The following SOX5 variants were observed in gnomAD, a reference collection of about 807,000 sequenced individuals.
The protein encoded by SOX5 is SRY-box transcription factor 5.
SOX5 carries 9 observed loss-of-function variants against 92.0 expected under a neutral mutation model. The observed-to-expected ratio is 0.10, with a 90% CI of 0.06 to 0.17. The LOEUF is 0.17. Among genes scored for constraint, SOX5 ranks in the 10% least tolerant of loss-of-function variants. The probability of loss-of-function intolerance (pLI) is 1.00; values close to 1 mark genes in which losing one functional copy is unlikely to be tolerated. For synonymous variants in SOX5, 344 were observed against 336.3 expected (o/e 1.02, Z -0.25); for missense variants, 642 against 944.5 (o/e 0.68, Z 4.20).
At chr12:24,179,292 T>C (rs904166384) in intron 4 of SOX5, among the ~76,000 whole-genome samples, 1 of 152,228 alleles carries the variant, frequency 6.6e-6, no homozygotes, top group African/African-American at 2.4e-5. Context: ...TACCTTGACA[T>C]TTCATTGCAC....
intron 7 of SOX5, among the ~76,000 whole-genome samples, chr12:23,661,930 A>G (rs1396195121): frequency 6.6e-6 from 1 of 152,202 alleles, no homozygotes; most frequent in African/African-American, 2.4e-5. Flanking sequence ...GATATTTTAA[A>G]TTATCTCTTA....
intron 1 of SOX5, among the ~76,000 whole-genome samples, chr12:23,923,131 G>C (rs1439862905): frequency 1.3e-5 from 2 of 152,012 alleles, no homozygotes; most frequent in African/African-American, 2.4e-5. Flanking sequence ...ATTTTTACTA[G>C]AGACGAGGTT....
intron 4 of SOX5, among the ~76,000 whole-genome samples, chr12:24,113,331 T>C (rs1347906555): frequency 6.7e-6 from 1 of 149,736 alleles, no homozygotes; most frequent in Admixed American, 6.6e-5. Context: ...AAGAGGTAAA[T>C]GTTATTTTGA....
chr12:24,278,802 A>G (rs904844492), intron 2 of SOX5, among the ~76,000 whole-genome samples: 2 of 152,116 alleles, frequency 1.3e-5, no homozygotes, highest in Non-Finnish European at 2.9e-5. Flanking sequence ...AAGGCTGTCT[A>G]TATATAGTCA....
chr12:23,816,363 CG>C (rs2078477053), intron 3 of SOX5, among the ~76,000 whole-genome samples: 1 of 151,888 alleles, frequency 6.6e-6, no homozygotes. Flanking sequence ...GTGCGCACCA[CG>C]ATGCCCGGCT....
chr12:23,770,630 GT>G, intron 3 of SOX5, among the ~76,000 whole-genome samples: 1 of 152,116 alleles, frequency 6.6e-6, no homozygotes, highest in South Asian at 2.1e-4. Flanking sequence ...TCCTAGGCAT[GT>G]TTAAACAACA....
intron 3 of SOX5, among the ~76,000 whole-genome samples, chr12:23,760,512 C>T (rs574131767): frequency 1.3e-5 from 2 of 152,102 alleles, no homozygotes; most frequent in African/African-American, 2.4e-5. Flanking sequence ...CCAACAGGAC[C>T]CTTCTGATAC....
intron 4 of SOX5, among the ~76,000 whole-genome samples, chr12:24,068,704 G>GTGTATATATATATA (rs1444359956): frequency 4.0e-5 from 3 of 74,322 alleles, no homozygotes; most frequent in South Asian, 6.0e-4. Context: ...GTGTGTGTGT[G>GTGTATATATATATA]TATATATATA....
chr12:23,664,990 C>G (rs182760367), intron 7 of SOX5, among the ~76,000 whole-genome samples: 1 of 152,152 alleles, frequency 6.6e-6, no homozygotes, highest in Admixed American at 6.5e-5. Context: ...GATGCGAGTC[C>G]AGAGTCAAGA....
chr12:23,536,682 G>C lies in SOX5; in HGVS notation c.1772-13C>G, dbSNP rs192384649. ...TTCCAGCGAGATCCTATGAAGAAAG[G>C]AGGTTAGGATTCCAATTTGCACAGC... On this transcript the variant is annotated splice_polypyrimidine_tract_variant and intron_variant, in intron 13 of 14. Transcript: ENST00000451604. The C allele has an allele frequency of 1.2e-6, 2 of 1,602,376 alleles. No individual in the cohort carries two copies. The highest frequency in any genetic ancestry group is 2.2e-5 in the South Asian group (2 of 90,798).
At chr12:23,947,678 G>C (rs1944819908) in intron 1 of SOX5, among the ~76,000 whole-genome samples, 1 of 150,806 alleles carries the variant, frequency 6.6e-6, no homozygotes, top group Admixed American at 6.6e-5. Flanking sequence ...TAATTAGCTA[G>C]TTAGAAAAGC....
At chr12:24,234,683 A>G (rs1160118695) in intron 3 of SOX5, among the ~76,000 whole-genome samples, 1 of 152,172 alleles carries the variant, frequency 6.6e-6, no homozygotes, top group Non-Finnish European at 1.5e-5. Context: ...CACGCCGGCC[A>G]AAATAACACC....
intron 4 of SOX5, among the ~76,000 whole-genome samples, chr12:24,143,158 C>A (rs770077543): frequency 6.6e-6 from 1 of 152,070 alleles, no homozygotes; most frequent in Non-Finnish European, 1.5e-5. Context: ...TTGGTCCTAC[C>A]TAACAAATAA....
chr12:24,050,077 G>T (rs1385306689), intron 4 of SOX5, among the ~76,000 whole-genome samples: 1 of 88,282 alleles, frequency 1.1e-5, no homozygotes, highest in South Asian at 5.1e-4. Flanking sequence ...TGCTGTGGGC[G>T]CAGAGGCAAA....
At chr12:23,680,534 AT>A (rs1315475261) in intron 6 of SOX5, among the ~76,000 whole-genome samples, 3 of 151,826 alleles carry the variant, frequency 2.0e-5, no homozygotes, top group Non-Finnish European at 4.4e-5. Context: ...GGTTTAACAA[AT>A]GCTTGGTCAA....
intron 2 of SOX5, among the ~76,000 whole-genome samples, chr12:24,334,461 A>G (rs1332639306): frequency 6.6e-6 from 1 of 152,176 alleles, no homozygotes; most frequent in Non-Finnish European, 1.5e-5. Flanking sequence ...TAGCTTCACT[A>G]AAAATCAAAG....
chr12:24,265,869 G>A (rs1036853147), intron 3 of SOX5, among the ~76,000 whole-genome samples: 1 of 152,004 alleles, frequency 6.6e-6, no homozygotes, highest in Non-Finnish European at 1.5e-5. Context: ...AATTAATATT[G>A]CATCATACAC....
intron 6 of SOX5, among the ~76,000 whole-genome samples, chr12:23,693,201 G>A (rs1466056030): frequency 6.6e-6 from 1 of 152,142 alleles, no homozygotes; most frequent in Non-Finnish European, 1.5e-5. Context: ...TCGGCTCACT[G>A]CAGTCTCTAC....
chr12:24,529,942 C>G (rs1846823218), intron 1 of SOX5, among the ~76,000 whole-genome samples: 1 of 148,858 alleles, frequency 6.7e-6, no homozygotes. Flanking sequence ...ATGGCGTGAA[C>G]CCGGGAGGCA....
Sources: allele counts gnomAD v4.1 joint callset (sites outside exome capture counted in the v4.1 genomes callset), GRCh38; gene constraint gnomAD v4.1.1; transcripts MANE v1.5; gene names NCBI Gene and HGNC (gene_info 2026-07-23, HGNC 2026-07-21).